The following SNTG1 variants were observed in gnomAD, a reference collection of about 807,000 sequenced individuals.
The protein encoded by SNTG1 is syntrophin gamma 1, also known as gamma-1-syntrophin.
In SNTG1, 39 loss-of-function variants were observed where a neutral mutation model predicts 74.7. The ratio of observed to expected loss-of-function variants is 0.52; its 90% CI spans 0.40 to 0.68. The LOEUF (loss-of-function observed/expected upper bound fraction) is 0.68. Ranked by LOEUF, SNTG1 falls within the 30% of genes least tolerant of loss-of-function variation. SNTG1 has a pLI of 0.00. For synonymous variants in SNTG1, 254 were observed against 217.1 expected (o/e 1.17, Z -1.49); for missense variants, 685 against 609.5 (o/e 1.12, Z -1.30).
chr8:50,369,801 G>A (rs181699668), intron 2 of SNTG1, among the ~76,000 whole-genome samples: 263 of 152,176 alleles, frequency 1.7e-3, no homozygotes, highest in African/African-American at 6.1e-3. Flanking sequence ...CCAGTTTATG[G>A]TATTTATTAT....
chr8:50,277,628 AT>A (rs1370580713), intron 2 of SNTG1, among the ~76,000 whole-genome samples: 1 of 152,150 alleles, frequency 6.6e-6, no homozygotes, highest in African/African-American at 2.4e-5. Context: ...ATAAATAGAT[AT>A]TCATTCTTTG....
intron 1 of SNTG1, among the ~76,000 whole-genome samples, chr8:49,929,246 G>A (rs1057027304): frequency 2.6e-5 from 4 of 152,126 alleles, no homozygotes; most frequent in Non-Finnish European, 4.4e-5. Flanking sequence ...TCATTGGAGA[G>A]GAAAGGATGA....
chr8:50,172,325 A>G (rs1294295673), intron 1 of SNTG1, among the ~76,000 whole-genome samples: 1 of 152,160 alleles, frequency 6.6e-6, no homozygotes, highest in Non-Finnish European at 1.5e-5. Flanking sequence ...ACAGAACTTA[A>G]TCTTGTGGCA....
intron 15 of SNTG1, among the ~76,000 whole-genome samples, chr8:50,668,859 T>C (rs1344567605): frequency 6.6e-6 from 1 of 152,048 alleles, no homozygotes; most frequent in Non-Finnish European, 1.5e-5. Context: ...ATGTACCACA[T>C]TTTCTTTATT....
intron 2 of SNTG1, among the ~76,000 whole-genome samples, chr8:50,381,374 A>T (rs2092476254): frequency 6.6e-6 from 1 of 151,728 alleles, no homozygotes; most frequent in African/African-American, 2.4e-5. Context: ...AAAATCATAT[A>T]CAGAAAGCAT....
intron 1 of SNTG1, among the ~76,000 whole-genome samples, chr8:50,061,187 C>A (rs1820440560): frequency 6.6e-6 from 1 of 152,008 alleles, no homozygotes; most frequent in Admixed American, 6.6e-5. Flanking sequence ...AAAGACTTTA[C>A]TGGGGGAAAG....
intron 2 of SNTG1, chr8:50,382,186 G>A (rs1170411218): frequency 6.6e-6 from 1 of 151,854 alleles, no homozygotes; most frequent in Non-Finnish European, 1.5e-5. Flanking sequence ...ATGCACCCAG[G>A]ATCAATACTT....
At chr8:50,166,256 C>A (rs1586559522) in intron 1 of SNTG1, among the ~76,000 whole-genome samples, 2 of 2,554 alleles carry the variant, frequency 7.8e-4, no homozygotes, top group East Asian at 0.013. Context: ...GCAACAAAAG[C>A]CAAAATTGAC....
At chr8:50,679,244 T>C (rs1245471925) in intron 15 of SNTG1, among the ~76,000 whole-genome samples, 1 of 152,110 alleles carries the variant, frequency 6.6e-6, no homozygotes, top group African/African-American at 2.4e-5. Flanking sequence ...TACTAAGTAT[T>C]ACTTAGTTGT....
chr8:50,093,671 C>T (rs1563582844), intron 1 of SNTG1, among the ~76,000 whole-genome samples: 1 of 151,914 alleles, frequency 6.6e-6, no homozygotes, highest in South Asian at 2.1e-4. Flanking sequence ...CTACGAGATG[C>T]TAAGTATTAT....
intron 1 of SNTG1, among the ~76,000 whole-genome samples, chr8:50,138,700 A>C (rs1446683430): frequency 6.6e-6 from 1 of 151,002 alleles, no homozygotes; most frequent in Non-Finnish European, 1.5e-5. Flanking sequence ...CCTTCAAAGC[A>C]CTGAAGGACA....
At chr8:50,650,921 G>T (rs763693768) in intron 13 of SNTG1, among the ~76,000 whole-genome samples, 1 of 152,048 alleles carries the variant, frequency 6.6e-6, no homozygotes, top group Non-Finnish European at 1.5e-5. Context: ...GGCTGGTCTC[G>T]AACTCTTGAC....
chr8:50,491,068 G>A (rs1280671303), intron 8 of SNTG1: 1 of 152,832 alleles, frequency 6.5e-6, no homozygotes, highest in African/African-American at 2.4e-5. Context: ...CTCACAGATG[G>A]AACAGCAAGG....
intron 18 of SNTG1, among the ~76,000 whole-genome samples, chr8:50,791,340 G>T (rs2095690147): frequency 2.0e-5 from 3 of 151,786 alleles, no homozygotes; most frequent in African/African-American, 7.2e-5. Flanking sequence ...ATAGTTAAAT[G>T]AATAACCTCT....
chr8:50,558,749 C>T (rs979159858), intron 12 of SNTG1, among the ~76,000 whole-genome samples: 5 of 151,414 alleles, frequency 3.3e-5, no homozygotes, highest in Non-Finnish European at 5.9e-5. Context: ...AAAAAAATAA[C>T]TGCTATTATA....
chr8:49,949,920 A>G (rs1490014211), intron 1 of SNTG1, among the ~76,000 whole-genome samples: 1 of 152,200 alleles, frequency 6.6e-6, no homozygotes, highest in Non-Finnish European at 1.5e-5. Flanking sequence ...TGAGCCTGGG[A>G]GTTCGAGACC....
chr8:50,337,272 G>C (rs1414554396), intron 2 of SNTG1, among the ~76,000 whole-genome samples: 1 of 152,178 alleles, frequency 6.6e-6, no homozygotes. Flanking sequence ...CAGCTTACTA[G>C]GAGCAGAAAC....
intron 2 of SNTG1, among the ~76,000 whole-genome samples, chr8:50,274,837 G>GTGAT (rs1278242508): frequency 2.0e-5 from 3 of 152,156 alleles, no homozygotes; most frequent in Admixed American, 6.6e-5. Flanking sequence ...GCTTGCTGAT[G>GTGAT]TGATTGATTG....
intron 1 of SNTG1, among the ~76,000 whole-genome samples, chr8:49,984,672 A>T (rs977609507): frequency 1.3e-5 from 2 of 152,214 alleles, no homozygotes; most frequent in Admixed American, 1.3e-4. Context: ...AATTTTATTT[A>T]AAAAATAAGA....
Sources: gnomAD v4.1 joint callset for allele counts (sites outside exome capture counted in the v4.1 genomes callset) on GRCh38, gnomAD v4.1.1 for gene constraint, MANE v1.5 for transcripts, NCBI Gene and HGNC (gene_info 2026-07-23, HGNC 2026-07-21) for gene names.